Variants in SPON1 observed in about 807,000 individuals in gnomAD.
SPON1 encodes spondin 1.
Under a neutral mutation model 111.7 loss-of-function variants are expected in SPON1, and 52 were observed. The observed-to-expected ratio is 0.47, with a 90% CI of 0.37 to 0.59. The LOEUF is 0.59. Among genes scored for constraint, SPON1 ranks in the 20% least tolerant of loss-of-function variants. The pLI is 0.00. For missense variants in SPON1, 957 were observed against 1,068.5 expected (o/e 0.90, Z 1.46); for synonymous variants, 410 against 395.8 (o/e 1.04, Z -0.43).
intron 2 of SPON1, among the ~76,000 whole-genome samples, chr11:14,019,498 A>G (rs953718847): frequency 9.2e-5 from 14 of 152,038 alleles, no homozygotes; most frequent in African/African-American, 3.4e-4. Flanking sequence ...TATTATCATT[A>G]TATAGTTCTG....
At chr11:14,127,245 G>A (rs1480166475) in intron 5 of SPON1, among the ~76,000 whole-genome samples, 2 of 148,140 alleles carry the variant, frequency 1.4e-5, no homozygotes, top group Admixed American at 6.8e-5. Context: ...ACTAACTGAT[G>A]TGTTTAATGT....
At chr11:14,015,931 T>C (rs1528668) in intron 2 of SPON1, among the ~76,000 whole-genome samples, 47,336 of 152,146 alleles carry the variant, frequency 0.31, 8,258 homozygotes, top group South Asian at 0.51. Flanking sequence ...TTGCCACGGA[T>C]TCTAGGAGGG....
At chr11:14,196,115 G>A (rs1048745738) in intron 6 of SPON1, among the ~76,000 whole-genome samples, 6 of 152,052 alleles carry the variant, frequency 3.9e-5, no homozygotes, top group African/African-American at 1.2e-4. Flanking sequence ...TCATTTTATA[G>A]GAGAAAAAAA....
chr11:14,248,242 G>A (rs535246375), intron 7 of SPON1, among the ~76,000 whole-genome samples: 52 of 152,308 alleles, frequency 3.4e-4, no homozygotes, highest in Admixed American at 1.2e-3. Flanking sequence ...AAAACAGCCC[G>A]GAGCAGGTGA....
chr11:14,217,541 A>G (rs1848637965), intron 6 of SPON1, among the ~76,000 whole-genome samples: 1 of 152,156 alleles, frequency 6.6e-6, no homozygotes, highest in Admixed American at 6.5e-5. Context: ...GGGTATTATG[A>G]CTGTAGACTT....
intron 3 of SPON1, among the ~76,000 whole-genome samples, chr11:14,047,146 A>G (rs975159328): frequency 6.6e-6 from 1 of 151,986 alleles, no homozygotes; most frequent in Non-Finnish European, 1.5e-5. Flanking sequence ...AATAATGAAT[A>G]TATATATATA....
chr11:14,093,408 C>T (rs575379699), intron 5 of SPON1, among the ~76,000 whole-genome samples: 11 of 152,302 alleles, frequency 7.2e-5, no homozygotes, highest in Admixed American at 3.9e-4. Context: ...GACAAATGCT[C>T]CTATCCCATA....
At chr11:14,149,905 G>A (rs1847767047) in intron 6 of SPON1, among the ~76,000 whole-genome samples, 1 of 138,168 alleles carries the variant, frequency 7.2e-6, no homozygotes. Flanking sequence ...TATCCCCGTT[G>A]TTAAGTGAGG....
intron 3 of SPON1, among the ~76,000 whole-genome samples, chr11:14,053,420 T>C (rs1245516422): frequency 6.7e-6 from 1 of 150,024 alleles, no homozygotes; most frequent in Non-Finnish European, 1.5e-5. Context: ...TGTGTCTAGC[T>C]TTTTTTCACT....
chr11:14,264,508 A>C (rs1413890613), intron 15 of SPON1, among the ~76,000 whole-genome samples: 2 of 152,214 alleles, frequency 1.3e-5, no homozygotes, highest in Non-Finnish European at 2.9e-5. Flanking sequence ...CTGATTTTTA[A>C]AGGCCTATTC....
chr11:14,045,518 C>T lies in SPON1; in HGVS notation c.479+3864C>T, dbSNP rs367819173. Reference sequence around the variant, plus strand: ...ACTTGAACCCAGGAGATGGAGGTTGCAGTTAGCTGAGATCCTGCCACTGCC... The same window carrying T: ...ACTTGAACCCAGGAGATGGAGGTTGTAGTTAGCTGAGATCCTGCCACTGCC... On this transcript the variant is annotated intron_variant, in intron 3 of 15. Coordinates refer to ENST00000576479, the MANE Select transcript of SPON1 (RefSeq NM_006108.4). Among the ~76,000 whole-genome samples, 28 of 151,948 alleles carry T rather than the reference C, an allele frequency of 1.8e-4. No individual in the cohort carries two copies. The South Asian group carries it at 4.6e-3, about 25-fold the overall frequency.
chr11:14,128,161 A>C (rs7115922), intron 5 of SPON1, among the ~76,000 whole-genome samples: 63,222 of 151,956 alleles, frequency 0.42, 13,881 homozygotes, highest in African/African-American at 0.54. Flanking sequence ...CCTTCCCAAC[A>C]GTCCCCCAAA....
chr11:14,033,345 A>G (rs190441813), intron 2 of SPON1, among the ~76,000 whole-genome samples: 9 of 152,346 alleles, frequency 5.9e-5, no homozygotes, highest in Non-Finnish European at 8.8e-5. Flanking sequence ...TCTCACTGCC[A>G]TGGCCCACCC....
chr11:14,211,585 C>T (rs1024444242), intron 6 of SPON1, among the ~76,000 whole-genome samples: 10 of 152,078 alleles, frequency 6.6e-5, no homozygotes, highest in Non-Finnish European at 1.2e-4. Flanking sequence ...AGTGCTATCC[C>T]CATCAAGCTA....
chr11:14,224,753 G>A (rs781941942), intron 6 of SPON1: 1 of 502,768 alleles, frequency 2.0e-6, no homozygotes, highest in Non-Finnish European at 4.0e-6. Context: ...AAAGACTGAG[G>A]GAGATATGAG....
chr11:14,003,727 T>G (rs1410288578), intron 2 of SPON1, among the ~76,000 whole-genome samples: 3 of 152,152 alleles, frequency 2.0e-5, no homozygotes, highest in African/African-American at 7.2e-5. Context: ...GATATATATA[T>G]AGATAGTAAA....
chr11:14,229,900 T>C (rs1270416356), intron 6 of SPON1, among the ~76,000 whole-genome samples: 4 of 151,884 alleles, frequency 2.6e-5, no homozygotes, highest in Non-Finnish European at 4.4e-5. Context: ...ATGGGAAACC[T>C]GGAAGAGAGG....
intron 5 of SPON1, among the ~76,000 whole-genome samples, chr11:14,109,749 C>T (rs117959780): frequency 0.013 from 1,944 of 152,216 alleles, 16 homozygotes; most frequent in Middle Eastern, 0.027. Flanking sequence ...TCATTCCACC[C>T]AGTGCCTAGC....
chr11:14,108,416 T>C (rs1198364800), intron 5 of SPON1, among the ~76,000 whole-genome samples: 2 of 152,186 alleles, frequency 1.3e-5, no homozygotes, highest in African/African-American at 2.4e-5. Context: ...TCTGATTGGC[T>C]TCCATCACCT....
Sources: gnomAD v4.1 joint callset for allele counts (sites outside exome capture counted in the v4.1 genomes callset) on GRCh38, gnomAD v4.1.1 for gene constraint, MANE v1.5 for transcripts, NCBI Gene and HGNC (gene_info 2026-07-23, HGNC 2026-07-21) for gene names.